Variants in KCNMA1 observed in about 807,000 individuals in gnomAD.
KCNMA1 encodes the protein potassium calcium-activated channel subfamily M alpha 1.
KCNMA1 carries 29 observed loss-of-function variants against 140.0 expected under a neutral mutation model. The ratio of observed to expected loss-of-function variants is 0.21; its 90% CI spans 0.15 to 0.28. KCNMA1 has a LOEUF of 0.28. KCNMA1 is among the 10% of genes least tolerant of loss of function. The pLI is 1.00. For synonymous variants in KCNMA1, 612 were observed against 611.9 expected, an observed-to-expected ratio of 1.00 and a Z score of 0.00; for missense variants, 880 against 1,602.2, an observed-to-expected ratio of 0.55 and a Z score of 7.70.
At chr10:77,202,165 C>T (rs2042694704) in intron 3 of KCNMA1, among the ~76,000 whole-genome samples, 1 of 152,102 alleles carries the variant, frequency 6.6e-6, no homozygotes, top group Non-Finnish European at 1.5e-5. Flanking sequence ...TTACTCAGCA[C>T]CTGTTATAGG....
chr10:77,499,382 G>A (rs986201064), intron 1 of KCNMA1, among the ~76,000 whole-genome samples: 8 of 147,522 alleles, frequency 5.4e-5, no homozygotes, highest in Non-Finnish European at 8.9e-5. Flanking sequence ...AAGTCTGAAA[G>A]TCAAAATGCT....
At chr10:77,251,308 T>C (rs1340043502) in intron 2 of KCNMA1, 52 bp from the exon 3 acceptor site, 3 of 1,463,050 alleles carry the variant, frequency 2.1e-6, no homozygotes, top group South Asian at 2.3e-5. Context: ...CTCAGGATGT[T>C]TGGGTTTTTT....
chr10:76,926,358 C>T (rs2057686615), intron 23 of KCNMA1, among the ~76,000 whole-genome samples: 1 of 152,086 alleles, frequency 6.6e-6, no homozygotes, highest in South Asian at 2.1e-4. Context: ...TCCTCATCTG[C>T]AAATTGGAAG....
At chr10:77,203,894 C>T (rs1021421314) in intron 3 of KCNMA1, among the ~76,000 whole-genome samples, 1 of 151,898 alleles carries the variant, frequency 6.6e-6, no homozygotes, top group Non-Finnish European at 1.5e-5. Context: ...GTCAGGAATC[C>T]GAGACCAGTC....
chr10:77,281,368 T>C (rs2068535103), intron 2 of KCNMA1, among the ~76,000 whole-genome samples: 2 of 152,150 alleles, frequency 1.3e-5, no homozygotes. Flanking sequence ...ACAGGTTGCA[T>C]TTGAGTGCTT....
At chr10:76,881,427 T>G (rs972722311), downstream of KCNMA1, among the ~76,000 whole-genome samples, 1 of 152,178 alleles carries the variant, frequency 6.6e-6, no homozygotes, top group Non-Finnish European at 1.5e-5. Flanking sequence ...TTGTTAAGGT[T>G]ATGAGTATTT....
At chr10:77,359,245 G>A (rs2093744621) in intron 2 of KCNMA1, among the ~76,000 whole-genome samples, 1 of 152,208 alleles carries the variant, frequency 6.6e-6, no homozygotes, top group Non-Finnish European at 1.5e-5. Flanking sequence ...GTGGAAGCAT[G>A]TGTTGGCGGG....
intron 2 of KCNMA1, among the ~76,000 whole-genome samples, chr10:77,255,471 A>G (rs1038938680): frequency 3.9e-5 from 6 of 152,180 alleles, no homozygotes; most frequent in African/African-American, 1.2e-4. Flanking sequence ...GTGGTGGTGC[A>G]CACCTGTAGT....
intron 16 of KCNMA1, among the ~76,000 whole-genome samples, chr10:77,023,141 G>C (rs2093046789): frequency 6.6e-6 from 1 of 152,162 alleles, no homozygotes; most frequent in Non-Finnish European, 1.5e-5. Context: ...GCTAAACACT[G>C]GTCAGGTTGG....
At chr10:77,597,776 C>T (rs1393682784) in intron 1 of KCNMA1, among the ~76,000 whole-genome samples, 2 of 152,150 alleles carry the variant, frequency 1.3e-5, no homozygotes, top group South Asian at 2.1e-4. Context: ...GGCCTCAGTG[C>T]TCCTTCCCCA....
chr10:77,090,341 G>C (rs1441545648), intron 10 of KCNMA1, 59 bp downstream of exon 10: 1 of 1,105,526 alleles, frequency 9.0e-7, no homozygotes, highest in Non-Finnish European at 1.4e-6. Context: ...GACATTCAGG[G>C]AGTCCCTCGC....
intron 2 of KCNMA1, among the ~76,000 whole-genome samples, chr10:77,357,767 G>A (rs192517047): frequency 6.6e-5 from 10 of 152,162 alleles, no homozygotes; most frequent in Non-Finnish European, 1.3e-4. Flanking sequence ...ATGGCTCTCA[G>A]TTTTCCTGCT....
At chr10:77,483,403 G>T (rs991498650) in intron 1 of KCNMA1, among the ~76,000 whole-genome samples, 1 of 152,216 alleles carries the variant, frequency 6.6e-6, no homozygotes, top group African/African-American at 2.4e-5. Flanking sequence ...CCGGGGTGGT[G>T]ACACAGGCTC....
chr10:77,127,980 AT>A (rs1018629347), intron 5 of KCNMA1, among the ~76,000 whole-genome samples: 5 of 152,146 alleles, frequency 3.3e-5, no homozygotes, highest in Admixed American at 6.5e-5. Context: ...TCTCAAAAAA[AT>A]TAAAAATTTA....
At chr10:77,489,279 T>C (rs1018409303) in intron 1 of KCNMA1, among the ~76,000 whole-genome samples, 1 of 152,224 alleles carries the variant, frequency 6.6e-6, no homozygotes, top group African/African-American at 2.4e-5. Context: ...CTTGCTTATC[T>C]GAAATTCAAA....
At chr10:77,571,308 C>G (rs2071199360) in intron 1 of KCNMA1, among the ~76,000 whole-genome samples, 1 of 152,156 alleles carries the variant, frequency 6.6e-6, no homozygotes, top group Non-Finnish European at 1.5e-5. Flanking sequence ...GTTTTACCTA[C>G]AGGAATCCAT....
chr10:77,544,733 G>A (rs776219576), intron 1 of KCNMA1, among the ~76,000 whole-genome samples: 1 of 152,178 alleles, frequency 6.6e-6, no homozygotes, highest in Non-Finnish European at 1.5e-5. Flanking sequence ...CCCCCAGCTA[G>A]TAGTTTGCAG....
At chr10:77,278,547 T>A (rs945302912) in intron 2 of KCNMA1, among the ~76,000 whole-genome samples, 9 of 152,158 alleles carry the variant, frequency 5.9e-5, no homozygotes, top group Non-Finnish European at 1.3e-4. Flanking sequence ...CTCTCCTGCA[T>A]TTGGAAAAAA....
chr10:77,420,596 G>C (rs2096845637), intron 1 of KCNMA1, among the ~76,000 whole-genome samples: 1 of 152,196 alleles, frequency 6.6e-6, no homozygotes, highest in Admixed American at 6.5e-5. Flanking sequence ...CTGAGGTCAG[G>C]AGCCAGGGCT....
Sources: gnomAD v4.1 joint callset for allele counts (sites outside exome capture counted in the v4.1 genomes callset) on GRCh38, gnomAD v4.1.1 for gene constraint, MANE v1.5 for transcripts, NCBI Gene and HGNC (gene_info 2026-07-23, HGNC 2026-07-21) for gene names.